Variants in EDN1 observed in about 807,000 individuals in gnomAD.
EDN1 encodes endothelin 1.
A neutral mutation model predicts 21.7 loss-of-function variants in EDN1; 11 were observed. The observed-to-expected ratio is 0.51, with a 90% CI of 0.32 to 0.84. EDN1 has a LOEUF of 0.84. Ranked by LOEUF, EDN1 falls within the 40% of genes least tolerant of loss-of-function variation. The pLI is 0.03. For missense variants in EDN1, 244 were observed against 262.3 expected, an observed-to-expected ratio of 0.93 and a Z score of 0.48; for synonymous variants, 85 against 90.6, an observed-to-expected ratio of 0.94 and a Z score of 0.35.
the EDN1 span, among the ~76,000 whole-genome samples, chr6:12,264,866 A>G: frequency 6.6e-6 from 1 of 152,210 alleles, no homozygotes; most frequent in African/African-American, 2.4e-5. Context: ...CTCTGCCCAC[A>G]AATTCATAAT....
chr6:12,249,210 G>T, the EDN1 span, among the ~76,000 whole-genome samples: 3 of 152,096 alleles, frequency 2.0e-5, no homozygotes, highest in African/African-American at 7.2e-5. Flanking sequence ...GAGTAGCAAG[G>T]ATCTAGAATA....
the EDN1 span, among the ~76,000 whole-genome samples, chr6:12,275,859 A>G: frequency 1.3e-5 from 2 of 152,004 alleles, no homozygotes; most frequent in South Asian, 4.2e-4. Context: ...GTATTTGTAC[A>G]TAAGTTAAAA....
chr6:12,244,615 C>T, the EDN1 span, among the ~76,000 whole-genome samples: 1 of 152,200 alleles, frequency 6.6e-6, no homozygotes. Flanking sequence ...GGAAAAAATG[C>T]TTCCATGCAA....
In EDN1 at chr6:12,296,124, T is replaced by G; in HGVS notation, c.*57T>G. ...CTCCACGGAGAGCCCTGTGGCCGAC[T>G]CTGCACTCTCCACCCTGGCTGGGAT... On this transcript the variant is annotated 3_prime_UTR_variant, in exon 5 of 5. Coordinates refer to ENST00000379375, the MANE Select transcript of EDN1 (RefSeq NM_001955.5). 2 of 1,458,520 alleles carry G rather than the reference T, an allele frequency of 1.4e-6. No individual in the cohort carries two copies. The highest frequency in any genetic ancestry group is 4.5e-5 in the East Asian group (2 of 43,998). 90.3% of individuals were successfully genotyped at this position (1,458,520 alleles called of 1,614,324 possible).
chr6:12,237,007 G>A, the EDN1 span, among the ~76,000 whole-genome samples: 2 of 135,356 alleles, frequency 1.5e-5, no homozygotes, highest in Non-Finnish European at 3.0e-5. Flanking sequence ...ACCGGTGTGT[G>A]ATGTTCCCCA....
chr6:12,232,819 T>C, the EDN1 span, among the ~76,000 whole-genome samples: 1 of 152,216 alleles, frequency 6.6e-6, no homozygotes, highest in African/African-American at 2.4e-5. Flanking sequence ...TAATGAAAGG[T>C]TGTTGGGTAC....
chr6:12,249,115 A>G, the EDN1 span, among the ~76,000 whole-genome samples: 84 of 152,350 alleles, frequency 5.5e-4, no homozygotes, highest in East Asian at 0.014. Flanking sequence ...GTTAAGAGCC[A>G]GTGAGTTTTC....
At chr6:12,231,812 C>T in the EDN1 span, among the ~76,000 whole-genome samples, 2 of 151,750 alleles carry the variant, frequency 1.3e-5, no homozygotes, top group East Asian at 1.9e-4. Flanking sequence ...AATAAGCTTC[C>T]ATCTCTTGTA....
At chr6:12,279,356 C>T in the EDN1 span, among the ~76,000 whole-genome samples, 1 of 152,170 alleles carries the variant, frequency 6.6e-6, no homozygotes, top group Admixed American at 6.5e-5. Context: ...GGAAATTTAC[C>T]CACTCCTAAG....
the EDN1 span, among the ~76,000 whole-genome samples, chr6:12,252,308 T>A: frequency 2.0e-5 from 3 of 152,182 alleles, no homozygotes; most frequent in Non-Finnish European, 4.4e-5. Context: ...AGCTTTGAGG[T>A]AGTCAAGGAA....
chr6:12,240,186 C>T, the EDN1 span, among the ~76,000 whole-genome samples: 1 of 152,140 alleles, frequency 6.6e-6, no homozygotes, highest in Admixed American at 6.6e-5. Context: ...CTAAGGTGAC[C>T]ACCTTTCCCA....
chr6:12,233,129 C>G, the EDN1 span, among the ~76,000 whole-genome samples: 101 of 152,318 alleles, frequency 6.6e-4, no homozygotes, highest in African/African-American at 2.1e-3. Flanking sequence ...CCACAAAAGC[C>G]TTTCAGTTGC....
chr6:12,277,614 C>G, the EDN1 span, among the ~76,000 whole-genome samples: 1 of 152,134 alleles, frequency 6.6e-6, no homozygotes, highest in Non-Finnish European at 1.5e-5. Context: ...AGGAAAGGGC[C>G]AAGGGCGAAT....
At chr6:12,289,398 G>A (rs1337146253), upstream of EDN1, among the ~76,000 whole-genome samples, 2 of 152,048 alleles carry the variant, frequency 1.3e-5, no homozygotes, top group African/African-American at 4.8e-5. Flanking sequence ...TCCTTCCTAT[G>A]TTAGGCAACA....
At chr6:12,230,958 AGTTCATT>A in the EDN1 span, among the ~76,000 whole-genome samples, 3 of 152,206 alleles carry the variant, frequency 2.0e-5, no homozygotes, top group African/African-American at 4.8e-5. Context: ...CCAAAACAGT[AGTTCATT>A]GGCCTAAGGT....
chr6:12,293,497 G>A (rs1025040533), intron 2 of EDN1, among the ~76,000 whole-genome samples: 3 of 152,152 alleles, frequency 2.0e-5, no homozygotes, highest in Admixed American at 1.3e-4. Context: ...AGTATCCTCC[G>A]TGGTTTGAGT....
the EDN1 span, among the ~76,000 whole-genome samples, chr6:12,236,767 T>C: frequency 9.4e-6 from 1 of 106,580 alleles, no homozygotes; most frequent in South Asian, 5.0e-4. Flanking sequence ...GGCCAATATT[T>C]CTTTTTTTTT....
At chr6:12,244,558 A>G in the EDN1 span, among the ~76,000 whole-genome samples, 1 of 152,236 alleles carries the variant, frequency 6.6e-6, no homozygotes, top group Non-Finnish European at 1.5e-5. Context: ...AAGTTTGTCA[A>G]ATAGCCAAGG....
At chr6:12,235,029 G>T in the EDN1 span, among the ~76,000 whole-genome samples, 1 of 152,192 alleles carries the variant, frequency 6.6e-6, no homozygotes, top group African/African-American at 2.4e-5. Context: ...GGGAGGATTG[G>T]AGTATCTGCT....
Sources: gnomAD v4.1 joint callset for allele counts (sites outside exome capture counted in the v4.1 genomes callset) on GRCh38, gnomAD v4.1.1 for gene constraint, MANE v1.5 for transcripts, NCBI Gene and HGNC (gene_info 2026-07-23, HGNC 2026-07-21) for gene names.